The following KNTC1 variants were observed in gnomAD, a reference collection of about 807,000 sequenced individuals.
KNTC1 encodes kinetochore-associated protein 1.
In KNTC1, 253 loss-of-function variants were observed where a neutral mutation model predicts 314.4. That is an observed-to-expected ratio of 0.80 (90% CI 0.73 to 0.89). The LOEUF (loss-of-function observed/expected upper bound fraction) is 0.89. KNTC1 is among the 40% of genes least tolerant of loss of function. The probability of loss-of-function intolerance (pLI) is 0.00; values close to 1 mark genes in which losing one functional copy is unlikely to be tolerated. For synonymous variants in KNTC1, 901 were observed against 901.4 expected (o/e 1.00, Z 0.01); for missense variants, 2,475 against 2,572.9 (o/e 0.96, Z 0.82).
chr12:122,545,950 T>TAA lies in KNTC1; in HGVS notation c.670-211_670-210dup, dbSNP rs11463721. On this transcript the variant is annotated intron_variant, in intron 8 of 63. Coordinates refer to ENST00000333479, the MANE Select transcript of KNTC1 (RefSeq NM_014708.6). ...AATGGAGTGAGACCCTGTCTCAAAT[T>TAA]AAAAAAAAAAAAAAAATTGTAATAA... 2.4e-3 allele frequency among the ~76,000 whole-genome samples: 344 copies of TAA among 145,164 alleles called. 2 individuals are homozygous for TAA. Among genetic ancestry groups the TAA allele is most frequent in the Middle Eastern group, 7.1e-3 (2 of 280 alleles).
chr12:122,614,242 C>T (rs1873507801), intron 55 of KNTC1, among the ~76,000 whole-genome samples: 1 of 152,176 alleles, frequency 6.6e-6, no homozygotes, highest in Admixed American at 6.5e-5. Context: ...CCTCTTTTGC[C>T]TTAAAGTCCA....
chr12:122,566,128 A>G (rs1401259522), intron 20 of KNTC1, among the ~76,000 whole-genome samples: 1 of 151,724 alleles, frequency 6.6e-6, no homozygotes, highest in Non-Finnish European at 1.5e-5. Context: ...CTTTTAGTAG[A>G]GATGGGGTTT....
chr12:122,552,761 T>C (rs12827322), intron 16 of KNTC1, among the ~76,000 whole-genome samples: 34,136 of 151,984 alleles, frequency 0.22, 4,081 homozygotes, highest in East Asian at 0.46. Flanking sequence ...GACAAAGAAT[T>C]TGGAGAAGGG....
intron 46 of KNTC1, 37 bp downstream of exon 46, chr12:122,602,777 T>TAATCC: frequency 6.2e-7 from 1 of 1,611,018 alleles, no homozygotes; most frequent in Non-Finnish European, 8.5e-7. Context: ...TTTTACTGGA[T>TAATCC]AGCCAAATTT....
At chr12:122,571,419 G>C (rs986589983) in intron 24 of KNTC1, among the ~76,000 whole-genome samples, 3 of 151,868 alleles carry the variant, frequency 2.0e-5, no homozygotes, top group African/African-American at 7.3e-5. Context: ...GAATGCAGTG[G>C]TGCAACCATG....
chr12:122,559,451 G>GT (rs1565955108), intron 18 of KNTC1, among the ~76,000 whole-genome samples: 2 of 151,948 alleles, frequency 1.3e-5, no homozygotes, highest in African/African-American at 4.8e-5. Flanking sequence ...GATATACCAC[G>GT]TTTTGTTTCT....
In KNTC1 at chr12:122,546,181, C is replaced by A; in HGVS notation, c.675C>A (p.Thr225=). 6.2e-7 allele frequency: 1 copy of A among 1,601,756 alleles called. No homozygotes were observed. The highest frequency in any genetic ancestry group is 8.6e-7 in the Non-Finnish European group (1 of 1,169,356). ...ASEVPVIIGG[T]GNCAFSKWEP... ...TACTGTGTTCATTTTTCCAGGGAAC[C>A]GGTAATTGTGCATTCTCAAAATGGG... The change falls in exon 9 of 64, where the codon ACC becomes ACA. Residue 225 remains threonine, a synonymous_variant. Transcript: ENST00000333479.
At chr12:122,556,616 G>A (rs893694931) in intron 16 of KNTC1, among the ~76,000 whole-genome samples, 2 of 151,610 alleles carry the variant, frequency 1.3e-5, no homozygotes, top group Non-Finnish European at 2.9e-5. Context: ...GGGATTACAG[G>A]CGCCCACTAA....
intron 6 of KNTC1, among the ~76,000 whole-genome samples, chr12:122,542,792 A>G (rs1322547494): frequency 6.6e-6 from 1 of 152,200 alleles, no homozygotes. Context: ...GTGCAGAACA[A>G]TAATGTAAAA....
intron 20 of KNTC1, among the ~76,000 whole-genome samples, chr12:122,566,323 G>T (rs1327389547): frequency 2.0e-5 from 3 of 150,802 alleles, no homozygotes; most frequent in East Asian, 3.9e-4. Flanking sequence ...TCTTGACTCT[G>T]GCTCACTGCA....
At chr12:122,554,952 A>G (rs1467832896) in intron 16 of KNTC1, among the ~76,000 whole-genome samples, 4 of 151,470 alleles carry the variant, frequency 2.6e-5, no homozygotes, top group Admixed American at 6.6e-5. Flanking sequence ...TGCTGAGGCA[A>G]GAGAATTGCT....
At chr12:122,574,151 T>A in intron 26 of KNTC1, 131 bp from the exon 27 acceptor site, 1 of 570,380 alleles carries the variant, frequency 1.8e-6, no homozygotes, top group South Asian at 2.4e-5. Flanking sequence ...TATGACTAAT[T>A]AGAATTTTTA....
chr12:122,603,952 T>C (rs1872284188), intron 48 of KNTC1, among the ~76,000 whole-genome samples: 1 of 152,116 alleles, frequency 6.6e-6, no homozygotes, highest in Admixed American at 6.5e-5. Flanking sequence ...GGTGTATTCA[T>C]AGAACGAAAT....
rs1868901378 is a variant in KNTC1, at chr12:122,584,277, G to A, written c.3264-1G>A. 6.2e-7 allele frequency: 1 copy of A among 1,602,586 alleles called. No individual in the cohort carries two copies. On this transcript the variant is annotated splice_acceptor_variant, in intron 34 of 63. Transcript: ENST00000333479. LOFTEE classifies it high-confidence loss of function. ...CTACCAATACTTTCTTTCTTCCAAA[G>A]CGACTTGTTTAAGTATCACTGCAAT...
intron 56 of KNTC1, 136 bp downstream of exon 56, chr12:122,615,222 A>C (rs878893776): frequency 1.2e-5 from 9 of 761,902 alleles, no homozygotes; most frequent in East Asian, 8.1e-5. Flanking sequence ...GCTCATGCCA[A>C]ACTTAAAGAA....
At chr12:122,584,168 A>T in intron 34 of KNTC1, 110 bp from the exon 35 acceptor site, 1 of 796,474 alleles carries the variant, frequency 1.3e-6, no homozygotes. Context: ...GAGAACATTT[A>T]AAAGACATTT....
At chr12:122,542,475 T>A (rs1388544787) in intron 6 of KNTC1, among the ~76,000 whole-genome samples, 1 of 152,188 alleles carries the variant, frequency 6.6e-6, no homozygotes, top group African/African-American at 2.4e-5. Context: ...GTGTTAATAG[T>A]GCAGAACAGG....
rs1185932244 is a variant in KNTC1 at position 122,585,846 on chromosome 12, G to A, written c.3673+72G>A. 4.2e-6 allele frequency: 6 copies of A among 1,441,198 alleles called. No individual in the cohort carries two copies. The Admixed American group carries it at 5.1e-5, about 12-fold the overall frequency. The allele number at this position is 1,441,198 out of a possible 1,614,324, so 89.3% of individuals were successfully genotyped here. A position where few individuals can be genotyped will look rare whatever the true frequency, so the allele number is the denominator to read the frequency against. On this transcript the variant is annotated intron_variant, in intron 37 of 63. Transcript: ENST00000333479. ...TAAATTTAAACTGTAGAGGTTTGGA[G>A]CTAGAACTACACACAGTAATGTGGG...
At chr12:122,546,505 G>T in intron 9 of KNTC1, 117 bp from the exon 10 acceptor site, 1 of 734,090 alleles carries the variant, frequency 1.4e-6, no homozygotes, top group Non-Finnish European at 2.2e-6. Context: ...CAGGAATAAA[G>T]GAAAATGGGA....
Sources: allele counts gnomAD v4.1 joint callset (sites outside exome capture counted in the v4.1 genomes callset), GRCh38; gene constraint gnomAD v4.1.1; transcripts MANE v1.5; gene names NCBI Gene and HGNC (gene_info 2026-07-23, HGNC 2026-07-21).